Variants in MTHFD1 observed in about 807,000 individuals in gnomAD.
MTHFD1 encodes the protein methylenetetrahydrofolate dehydrogenase, cyclohydrolase and formyltetrahydrofolate synthetase 1, also known as C-1-tetrahydrofolate synthase, cytoplasmic.
In MTHFD1, 44 loss-of-function variants were observed where a neutral mutation model predicts 110.3. That is an observed-to-expected ratio of 0.40 (90% CI 0.31 to 0.51). The LOEUF (loss-of-function observed/expected upper bound fraction) is 0.51, where lower values mean the gene tolerates loss of function less well. Ranked by LOEUF, MTHFD1 falls within the 20% of genes least tolerant of loss-of-function variation. The pLI is 0.60. For missense variants in MTHFD1, 909 were observed against 1,173.1 expected (o/e 0.77, Z 3.29); for synonymous variants, 402 against 428.8 (o/e 0.94, Z 0.77).
chr14:64,424,635 T>C lies in MTHFD1; in HGVS notation c.728-169T>C, dbSNP rs530504887. Among the ~76,000 whole-genome samples, 5 of 152,346 alleles carry C rather than the reference T, an allele frequency of 3.3e-5. No individual in the cohort carries two copies. The South Asian group carries it at 1.0e-3, about 32-fold the overall frequency. ...GTGAATTTTTGCAGGTAAAATAATT[T>C]TCTCCCTAAGAAATAGCAAACATCT... On this transcript the variant is annotated intron_variant, in intron 8 of 27. Transcript: ENST00000652337.
chr14:64,394,629 A>G lies in MTHFD1; in HGVS notation c.41+6161A>G, dbSNP rs376644842. On this transcript the variant is annotated intron_variant, in intron 1 of 27. Coordinates refer to ENST00000652337, the MANE Select transcript of MTHFD1 (RefSeq NM_005956.4). ...TGGTGCTTGAGAGGTCCCAGGAGAT[A>G]AGGGAGCATTTCTGTGAAAGGTTTT... is the stretch of plus-strand genomic sequence containing the variant. 1.2e-4 allele frequency among the ~76,000 whole-genome samples: 19 copies of G among 152,062 alleles called. No homozygotes were observed. In the East Asian group the frequency reaches 2.7e-3, roughly 22 times the overall value.
chr14:64,425,017 AC>A, intron 9 of MTHFD1, 86 bp downstream of exon 9: 1 of 1,510,532 alleles, frequency 6.6e-7, no homozygotes, highest in Non-Finnish European at 9.1e-7. Flanking sequence ...AATGTCAAAA[AC>A]CTACTCAGAA....
At chr14:64,457,257 A>G (rs2078489317) in intron 26 of MTHFD1, among the ~76,000 whole-genome samples, 1 of 152,178 alleles carries the variant, frequency 6.6e-6, no homozygotes, top group Non-Finnish European at 1.5e-5. Flanking sequence ...ATTTAAAAGC[A>G]GGCAAGCCCT....
chr14:64,458,018 G>A (rs2078502881), intron 26 of MTHFD1, 196 bp from the exon 27 acceptor site: 2 of 617,450 alleles, frequency 3.2e-6, no homozygotes, highest in Non-Finnish European at 5.8e-6. Flanking sequence ...AGCATCCCAA[G>A]TAGCTGGAAC....
intron 25 of MTHFD1, 78 bp downstream of exon 25, chr14:64,453,939 C>T: frequency 3.4e-6 from 3 of 876,770 alleles, no homozygotes; most frequent in Non-Finnish European, 5.7e-6. Context: ...TCCTCCCAGC[C>T]CTGCCAAGTA....
chr14:64,443,120 A>AAATAAGGGATAATTTTT (rs2078261236), intron 21 of MTHFD1, among the ~76,000 whole-genome samples: 1 of 151,984 alleles, frequency 6.6e-6, no homozygotes, highest in Admixed American at 6.6e-5. Flanking sequence ...GGAAATAAGG[A>AAATAAGGGATAATTTTT]CTCCCTGGCC....
chr14:64,393,877 T>C (rs1596528714), intron 1 of MTHFD1, among the ~76,000 whole-genome samples: 1 of 152,166 alleles, frequency 6.6e-6, no homozygotes, highest in African/African-American at 2.4e-5. Flanking sequence ...TAGAGGTTGG[T>C]AGAATAGAGG....
chr14:64,446,132 C>A (rs762321410), intron 22 of MTHFD1, among the ~76,000 whole-genome samples: 6 of 151,882 alleles, frequency 4.0e-5, no homozygotes, highest in Non-Finnish European at 8.8e-5. Flanking sequence ...TAGTAATATA[C>A]CCTTTGTAAA....
intron 1 of MTHFD1, among the ~76,000 whole-genome samples, chr14:64,399,520 G>A (rs751564053): frequency 1.1e-4 from 17 of 152,044 alleles, no homozygotes; most frequent in South Asian, 2.1e-4. Flanking sequence ...TTAGCCGGGC[G>A]TGGTGGCACG....
At chr14:64,427,252 T>G in intron 11 of MTHFD1, 85 bp from the exon 12 acceptor site, 1 of 1,470,422 alleles carries the variant, frequency 6.8e-7, no homozygotes, top group Non-Finnish European at 9.4e-7. Flanking sequence ...TTACGAGTCA[T>G]TCTCTAGGAT....
chr14:64,430,223 T>C lies in MTHFD1; in HGVS notation c.1304T>C (p.Met435Thr), dbSNP rs201274183. The C allele has an allele frequency of 8.1e-6, 13 of 1,613,448 alleles. No homozygotes were observed. Among genetic ancestry groups the C allele is most frequent in the Non-Finnish European group, 1.1e-5 (13 of 1,179,962 alleles). The part of the protein sequence containing the change: ...AGGGYSQVIP[M>T]EEFNLHLTGD... ...GGCGGCTACTCCCAGGTCATTCCTA[T>C]GGAAGAGGTAAAGTATTCTGGGATT... Residue 435 changes from methionine to threonine, a missense_variant, in exon 13 of 28, where the codon ATG becomes ACG. Physicochemically the swap from Met to Thr is moderately conservative, Grantham distance 81 (BLOSUM62 -1). This residue lies in a region of MTHFD1 where 482 missense variants were observed against 646.0 expected (regional missense o/e 0.75). Transcript: ENST00000652337.
Position 64,439,159 on chromosome 14 carries a change from G to C in MTHFD1, c.1661G>C (p.Gly554Ala). Reference protein sequence around the residue: ...ITIGQAPTEKGHTRTAQFDIS... With the variant: ...ITIGQAPTEKAHTRTAQFDIS... Reference sequence around the variant, plus strand: ...ATTGGACAGGCTCCAACGGAGAAGGGTCACACACGGACGGTAACAATTTGT... The same window carrying C: ...ATTGGACAGGCTCCAACGGAGAAGGCTCACACACGGACGGTAACAATTTGT... The change falls in exon 17 of 28, where the codon GGT (glycine) becomes GCT (alanine). Residue 554 changes from glycine to alanine, a missense_variant. Gly to Ala is a moderately conservative substitution (Grantham distance 60, BLOSUM62 0). Coordinates refer to ENST00000652337, the MANE Select transcript of MTHFD1 (RefSeq NM_005956.4). The C allele has an allele frequency of 6.2e-7, 1 of 1,613,746 alleles. No individual in the cohort carries two copies. The highest frequency in any genetic ancestry group is 8.5e-7 in the Non-Finnish European group (1 of 1,179,640).
intron 16 of MTHFD1, among the ~76,000 whole-genome samples, chr14:64,437,623 G>A (rs1467183030): frequency 6.6e-6 from 1 of 152,212 alleles, no homozygotes; most frequent in Non-Finnish European, 1.5e-5. Context: ...CTTCAGACAC[G>A]AATCGCAAGT....
chr14:64,420,112 G>C (rs1373126607), intron 8 of MTHFD1, among the ~76,000 whole-genome samples, 187 bp downstream of exon 8: 2 of 152,192 alleles, frequency 1.3e-5, no homozygotes, highest in African/African-American at 4.8e-5. Context: ...AGGTCTGCCT[G>C]GTGCCAGAGC....
chr14:64,394,225 G>T (rs2077829360), intron 1 of MTHFD1, among the ~76,000 whole-genome samples: 1 of 152,120 alleles, frequency 6.6e-6, no homozygotes. Context: ...CAATTTTGCA[G>T]TTTATGACAC....
At chr14:64,431,080 T>C (rs1228582063) in intron 13 of MTHFD1, among the ~76,000 whole-genome samples, 2 of 133,152 alleles carry the variant, frequency 1.5e-5, no homozygotes, top group Non-Finnish European at 3.1e-5. Flanking sequence ...CTTTTTCTTT[T>C]TTTTTTTTTT....
Position 64,424,784 on chromosome 14 carries a change from T to C in MTHFD1, c.728-20T>C. 6.2e-7 allele frequency: 1 copy of C among 1,613,438 alleles called. No individual in the cohort carries two copies. Among genetic ancestry groups the C allele is most frequent in the South Asian group, 1.1e-5 (1 of 90,908 alleles). ...CTGTGATTCTGAGACTTAGTTTTGA[T>C]TTCTCCCCCACTTGACCAGATGATA... On this transcript the variant is annotated intron_variant, in intron 8 of 27. Coordinates refer to ENST00000652337, the MANE Select transcript of MTHFD1 (RefSeq NM_005956.4).
rs780071344 is a variant in MTHFD1, at chr14:64,440,249, G to A, written c.1798G>A (p.Val600Ile). The A allele has an allele frequency of 1.5e-5, 25 of 1,614,060 alleles. No individual in the cohort carries two copies. The highest frequency in any genetic ancestry group is 2.2e-5 in the South Asian group (2 of 91,080). Reference sequence around the variant, plus strand: ...GGCATCCAGTAAGAAAGGAGAGCCCGTCAGTGCCGAAGATCTGGTGGGTAC... The same window carrying A: ...GGCATCCAGTAAGAAAGGAGAGCCCATCAGTGCCGAAGATCTGGTGGGTAC... ...VVASSKKGEP[V>I]SAEDLGVSGA... Residue 600 changes from valine to isoleucine, a missense_variant, in exon 18 of 28, where the codon GTC becomes ATC. Val to Ile is a conservative substitution (Grantham distance 29). Coordinates refer to ENST00000652337, the MANE Select transcript of MTHFD1 (RefSeq NM_005956.4).
chr14:64,418,662 T>G (rs2078045411), intron 7 of MTHFD1, among the ~76,000 whole-genome samples: 1 of 152,092 alleles, frequency 6.6e-6, no homozygotes, highest in Admixed American at 6.5e-5. Context: ...GTTCAAGTGA[T>G]TCTCCTGCCT....
Sources: gnomAD v4.1 joint callset for allele counts (sites outside exome capture counted in the v4.1 genomes callset) on GRCh38, gnomAD v4.1.1 for gene constraint, gnomAD v4.1.1 regional missense constraint, MANE v1.5 for transcripts, NCBI Gene and HGNC (gene_info 2026-07-23, HGNC 2026-07-21) for gene names.